Variants in PDE11A observed in about 807,000 individuals in gnomAD.
The protein encoded by PDE11A is phosphodiesterase 11A.
PDE11A carries 100 observed loss-of-function variants against 100.5 expected under a neutral mutation model. That is an observed-to-expected ratio of 1.00 (90% CI 0.85 to 1.18). PDE11A has a LOEUF of 1.18. Ranked by LOEUF, PDE11A falls within the 50% of genes most tolerant of loss-of-function variation. The pLI is 0.00. For missense variants in PDE11A, 1,141 were observed against 1,152.6 expected (o/e 0.99, Z 0.15); for synonymous variants, 381 against 420.8 (o/e 0.91, Z 1.16).
chr2:177,721,503 T>C (rs2081525055), intron 12 of PDE11A, among the ~76,000 whole-genome samples: 1 of 152,140 alleles, frequency 6.6e-6, no homozygotes, highest in Admixed American at 6.6e-5. Flanking sequence ...CATCAAAAGA[T>C]AATAAATAAA....
intron 2 of PDE11A, among the ~76,000 whole-genome samples, chr2:177,911,270 G>A (rs950679707): frequency 2.6e-5 from 4 of 152,100 alleles, no homozygotes; most frequent in African/African-American, 4.8e-5. Flanking sequence ...ATTTTCATAC[G>A]ATGAAATACT....
chr2:177,756,799 C>G (rs1440914269), intron 10 of PDE11A, among the ~76,000 whole-genome samples: 2 of 152,200 alleles, frequency 1.3e-5, no homozygotes, highest in Middle Eastern at 3.2e-3. Context: ...GGAATCATAC[C>G]TGCTCAAGCA....
rs530963852 is a variant in PDE11A at position 177,885,065 on chromosome 2, AAT to A, written c.1303-9144_1303-9143del. ...GGGTTCAGTAGTTGAAGATTATATA[AAT>A]ATATATATGCATACATATGTTTATT... On this transcript the variant is annotated intron_variant, in intron 4 of 19. Coordinates refer to ENST00000286063, the MANE Select transcript of PDE11A (RefSeq NM_016953.4). Among the ~76,000 whole-genome samples, 47 of 152,122 alleles carry A rather than the reference AAT, an allele frequency of 3.1e-4. No homozygotes were observed. The South Asian group carries it at 9.6e-3, about 31-fold the overall frequency.
At chr2:177,640,766 C>G (rs546899399) in intron 19 of PDE11A, among the ~76,000 whole-genome samples, 1 of 152,332 alleles carries the variant, frequency 6.6e-6, no homozygotes, top group South Asian at 2.1e-4. Flanking sequence ...AGTGGACGGA[C>G]TGTTTACAAC....
intron 5 of PDE11A, among the ~76,000 whole-genome samples, chr2:177,850,329 C>T (rs1448836573): frequency 6.6e-6 from 1 of 152,150 alleles, no homozygotes; most frequent in Non-Finnish European, 1.5e-5. Flanking sequence ...ACTGGCTAGA[C>T]ATATGTAGAA....
chr2:177,687,097 A>G (rs2080963867), intron 15 of PDE11A: 2 of 152,190 alleles, frequency 1.3e-5, no homozygotes, highest in African/African-American at 4.8e-5. Flanking sequence ...TCACAAGGCT[A>G]CAAAAAGGAT....
intron 2 of PDE11A, among the ~76,000 whole-genome samples, chr2:177,956,825 C>G (rs908179050): frequency 6.6e-6 from 1 of 152,074 alleles, no homozygotes; most frequent in African/African-American, 2.4e-5. Flanking sequence ...AAACCAAACA[C>G]CGCATGTTCT....
chr2:178,055,659 T>G (rs1379004848), intron 1 of PDE11A, among the ~76,000 whole-genome samples: 1 of 152,098 alleles, frequency 6.6e-6, no homozygotes, highest in Non-Finnish European at 1.5e-5. Context: ...ATTGTAATAA[T>G]AATTATTATT....
At chr2:177,874,483 G>C (rs2084197936) in intron 5 of PDE11A, among the ~76,000 whole-genome samples, 1 of 152,022 alleles carries the variant, frequency 6.6e-6, no homozygotes. Flanking sequence ...CCTTCCTCTA[G>C]AGGCAACCAA....
chr2:177,905,687 A>T (rs1159638603), intron 2 of PDE11A, among the ~76,000 whole-genome samples: 1 of 152,310 alleles, frequency 6.6e-6, no homozygotes, highest in South Asian at 2.1e-4. Context: ...CCTATCTGCT[A>T]CCAGTTTTAA....
chr2:178,074,211 T>A (rs1376018408), upstream of PDE11A, among the ~76,000 whole-genome samples: 1 of 151,320 alleles, frequency 6.6e-6, no homozygotes, highest in African/African-American at 2.4e-5. Flanking sequence ...ACTTTCTAGA[T>A]GGAGAGGAAG....
chr2:178,043,213 C>G (rs1411953487), intron 1 of PDE11A, among the ~76,000 whole-genome samples: 2 of 152,080 alleles, frequency 1.3e-5, no homozygotes, highest in African/African-American at 2.4e-5. Flanking sequence ...TGCTATTTCC[C>G]TAACAGACAG....
chr2:177,995,654 C>G (rs561169825), intron 2 of PDE11A, among the ~76,000 whole-genome samples: 2 of 151,628 alleles, frequency 1.3e-5, no homozygotes, highest in Admixed American at 6.6e-5. Context: ...CCACCCACCC[C>G]GCATCTGCTG....
intron 2 of PDE11A, among the ~76,000 whole-genome samples, chr2:177,999,716 T>TA (rs1290954023): frequency 3.3e-5 from 5 of 152,236 alleles, no homozygotes; most frequent in Non-Finnish European, 7.3e-5. Flanking sequence ...TTTGGATGGT[T>TA]AAAGCCCGTT....
chr2:178,072,261 G>T lies in PDE11A; in HGVS notation c.177C>A (p.Ser59Arg), dbSNP rs762244989. 24 of 1,613,446 alleles carry T rather than the reference G, an allele frequency of 1.5e-5. No homozygotes were observed. The highest frequency in any genetic ancestry group is 1.8e-5 in the Non-Finnish European group (21 of 1,179,700). Residue 59 changes from serine (S) to arginine (R), a missense_variant, in exon 1 of 20, where the codon AGC becomes AGA. Transcript: ENST00000286063. The part of the protein sequence containing the change: ...LGPRPSLAGT[S>R]SLAHSTCRGG... ...CTCTGCAGGTGCTGTGAGCCAAGCT[G>T]CTGGTACCAGCCAAAGAGGGCCTTG...
chr2:178,072,400 G>C lies in PDE11A; in HGVS notation c.38C>G (p.Thr13Ser), dbSNP rs752428330. Residue 13 changes from threonine (T) to serine (S), a missense_variant, in exon 1 of 20, where the codon ACT becomes AGT. Transcript: ENST00000286063. ...ASRLDFGEVE[T>S]FLDRHPELFE... The stretch of plus-strand genomic sequence containing the variant: ...CAACTCTGGGTGCCTGTCCAGGAAA[G>C]TTTCCACCTCCCCAAAGTCCAGGCG... The C allele has an allele frequency of 2.6e-5, 42 of 1,613,570 alleles. No individual in the cohort carries two copies. The highest frequency in any genetic ancestry group is 5.0e-5 in the Admixed American group (3 of 60,012).
At chr2:177,836,982 G>A (rs961283906) in intron 6 of PDE11A, among the ~76,000 whole-genome samples, 6 of 152,184 alleles carry the variant, frequency 3.9e-5, no homozygotes, top group Non-Finnish European at 7.3e-5. Flanking sequence ...CTTCATTCTT[G>A]AAGTCAATGA....
Position 178,071,794 on chromosome 2 carries a change from T to A in PDE11A, c.644A>T (p.Asp215Val), listed in dbSNP as rs753538467. 1 of 1,612,830 alleles carries A rather than the reference T, an allele frequency of 6.2e-7. No homozygotes were observed. Among genetic ancestry groups the A allele is most frequent in the Admixed American group, 1.7e-5 (1 of 60,014 alleles). ...GTAGCTCAGGCTGGTGAGGTCAAGGTCATTGGAGATATCTTTGACCAATTC... is the reference window on the plus strand; with the variant it reads ...GTAGCTCAGGCTGGTGAGGTCAAGGACATTGGAGATATCTTTGACCAATTC... ...FLELVKDISN[D>V]LDLTSLSYKI... The change falls in exon 1 of 20, where the codon GAC (aspartate) becomes GTC (valine). Residue 215 changes from aspartate to valine, a missense_variant. Transcript: ENST00000286063.
intron 1 of PDE11A, among the ~76,000 whole-genome samples, chr2:178,060,622 C>T (rs988709437): frequency 6.6e-6 from 1 of 152,078 alleles, no homozygotes; most frequent in Non-Finnish European, 1.5e-5. Flanking sequence ...GAATCGAATT[C>T]GGTCTGATTC....
Sources: gnomAD v4.1 joint callset for allele counts (sites outside exome capture counted in the v4.1 genomes callset) on GRCh38, gnomAD v4.1.1 for gene constraint, MANE v1.5 for transcripts, NCBI Gene and HGNC (gene_info 2026-07-23, HGNC 2026-07-21) for gene names.